RIT2: variants seen among roughly 807,000 people sequenced by gnomAD.
RIT2 encodes the protein GTP-binding protein Rit2.
In RIT2, 24 loss-of-function variants were observed where a neutral mutation model predicts 23.7. That is an observed-to-expected ratio of 1.01 (90% CI 0.73 to 1.43). The LOEUF (loss-of-function observed/expected upper bound fraction) is 1.43. Ranked by LOEUF, RIT2 falls within the 40% of genes most tolerant of loss-of-function variation. The probability of loss-of-function intolerance (pLI) is 0.00; values close to 1 mark genes in which losing one functional copy is unlikely to be tolerated. For missense variants in RIT2, 236 were observed against 266.9 expected (o/e 0.88, Z 0.81); for synonymous variants, 107 against 91.1 (o/e 1.17, Z -0.99).
chr18:42,743,714 T>C lies in RIT2; in HGVS notation c.433A>G (p.Thr145Ala). 6.2e-7 allele frequency: 1 copy of C among 1,603,858 alleles called. No individual in the cohort carries two copies. Among genetic ancestry groups the C allele is most frequent in the Non-Finnish European group, 8.5e-7 (1 of 1,175,584 alleles). The change falls in exon 5 of 5, where the codon ACA (threonine) becomes GCA (alanine). Residue 145 changes from threonine to alanine, a missense_variant. Coordinates refer to ENST00000326695, the MANE Select transcript of RIT2 (RefSeq NM_002930.4). ...IDLEQFRQVS[T>A]EEGLSLAQEY... ...TGGGCAAGACTCAAGCCTTCTTCTG[T>C]AGAAACCTAAGGAAAAAACAAATAA... is the stretch of plus-strand genomic sequence containing the variant.
chr18:42,900,713 G>A (rs906623459), intron 4 of RIT2, among the ~76,000 whole-genome samples: 7 of 152,034 alleles, frequency 4.6e-5, no homozygotes, highest in African/African-American at 1.7e-4. Flanking sequence ...CAAGATATGT[G>A]AGGGATAACA....
In RIT2 at chr18:42,916,512, C is replaced by T. The variant is rs544400202; in HGVS notation, c.426+7060G>A. On this transcript the variant is annotated intron_variant, in intron 4 of 4. Transcript: ENST00000326695. ...AATTTAATTTTGCAAAATCCATGTG[C>T]GGAAGCCTATATCAGAAAGCTCCCT... is the stretch of plus-strand genomic sequence containing the variant. 2.1e-3 allele frequency among the ~76,000 whole-genome samples: 314 copies of T among 152,162 alleles called. 2 individuals carry two copies. The highest frequency in any genetic ancestry group is 7.1e-3 in the African/African-American group (294 of 41,532).
At chr18:43,086,349 C>T (rs764208841) in intron 1 of RIT2, among the ~76,000 whole-genome samples, 36 of 152,050 alleles carry the variant, frequency 2.4e-4, no homozygotes, top group Non-Finnish European at 4.6e-4. Context: ...TATACAACAA[C>T]GAATGTATAA....
chr18:42,939,602 A>C (rs1909544641), intron 3 of RIT2, among the ~76,000 whole-genome samples: 1 of 152,140 alleles, frequency 6.6e-6, no homozygotes, highest in African/African-American at 2.4e-5. Flanking sequence ...TTACTACTAA[A>C]AGAAAATACC....
intron 4 of RIT2, among the ~76,000 whole-genome samples, chr18:42,764,729 GA>G (rs1195963169): frequency 6.6e-6 from 1 of 152,158 alleles, no homozygotes; most frequent in Non-Finnish European, 1.5e-5. Context: ...GAATGGATTG[GA>G]TTCACAAAGT....
chr18:42,804,015 C>T (rs150685137), intron 4 of RIT2, among the ~76,000 whole-genome samples: 13 of 152,032 alleles, frequency 8.6e-5, no homozygotes, highest in South Asian at 4.2e-4. Context: ...AAACATGAGC[C>T]GAAAGGACTT....
intron 2 of RIT2, among the ~76,000 whole-genome samples, chr18:43,018,318 G>T (rs1911520311): frequency 6.6e-6 from 1 of 151,458 alleles, no homozygotes; most frequent in African/African-American, 2.4e-5. Context: ...GTCTTCCAAG[G>T]CCCTATACAA....
intron 4 of RIT2, among the ~76,000 whole-genome samples, chr18:42,907,489 C>T (rs1289945463): frequency 6.6e-6 from 1 of 152,050 alleles, no homozygotes; most frequent in Non-Finnish European, 1.5e-5. Flanking sequence ...GAAAAACAAG[C>T]ACAAAGCTCA....
At chr18:42,906,431 T>G (rs181947692) in intron 4 of RIT2, among the ~76,000 whole-genome samples, 150 of 152,314 alleles carry the variant, frequency 9.8e-4, no homozygotes, top group Non-Finnish European at 1.6e-3. Flanking sequence ...GTTTTCTTTA[T>G]AAGAGATGTT....
intron 4 of RIT2, among the ~76,000 whole-genome samples, chr18:42,903,124 CAACT>C (rs1335726130): frequency 6.6e-6 from 1 of 151,780 alleles, no homozygotes; most frequent in Non-Finnish European, 1.5e-5. Flanking sequence ...AATATGACAC[CAACT>C]AAGAAAATTA....
chr18:42,882,857 A>G (rs1468891497), intron 4 of RIT2, among the ~76,000 whole-genome samples: 1 of 152,188 alleles, frequency 6.6e-6, no homozygotes, highest in African/African-American at 2.4e-5. Context: ...GTAAACTATG[A>G]AAAATTAGGC....
intron 4 of RIT2, among the ~76,000 whole-genome samples, chr18:42,897,206 T>C (rs1369959096): frequency 6.6e-6 from 1 of 152,214 alleles, no homozygotes; most frequent in Admixed American, 6.5e-5. Flanking sequence ...TTGCTTTCAT[T>C]ATCCACCTTT....
chr18:42,878,831 C>T (rs1352423892), intron 4 of RIT2, among the ~76,000 whole-genome samples: 1 of 150,524 alleles, frequency 6.6e-6, no homozygotes, highest in Non-Finnish European at 1.5e-5. Context: ...CTGTACCGCC[C>T]CCCGCCCCCC....
intron 1 of RIT2, among the ~76,000 whole-genome samples, chr18:43,080,500 T>G (rs563394496): frequency 6.6e-6 from 1 of 152,274 alleles, no homozygotes; most frequent in East Asian, 1.9e-4. Flanking sequence ...AACCTGAAGC[T>G]GAATGACAAA....
At chr18:42,977,390 T>C (rs1410486411) in intron 2 of RIT2, among the ~76,000 whole-genome samples, 1 of 152,068 alleles carries the variant, frequency 6.6e-6, no homozygotes, top group Non-Finnish European at 1.5e-5. Flanking sequence ...GCAAACTGAA[T>C]CACTGCTAAA....
chr18:43,006,863 A>G (rs1219338345), intron 2 of RIT2, among the ~76,000 whole-genome samples: 1 of 151,426 alleles, frequency 6.6e-6, no homozygotes, highest in Non-Finnish European at 1.5e-5. Flanking sequence ...GTTACATTGT[A>G]TACTTGAGAA....
At chr18:43,092,887 G>A (rs1040677229) in intron 1 of RIT2, among the ~76,000 whole-genome samples, 2 of 151,992 alleles carry the variant, frequency 1.3e-5, no homozygotes, top group South Asian at 4.1e-4. Context: ...GTCAGGGGAA[G>A]TTTCTGTCTT....
At chr18:42,852,088 TC>T (rs1907068635) in intron 4 of RIT2, among the ~76,000 whole-genome samples, 1 of 152,118 alleles carries the variant, frequency 6.6e-6, no homozygotes, top group Admixed American at 6.5e-5. Flanking sequence ...CCATCTACTA[TC>T]ACCCTCAAGA....
intron 4 of RIT2, among the ~76,000 whole-genome samples, chr18:42,769,300 A>G (rs1163460481): frequency 6.6e-6 from 1 of 152,110 alleles, no homozygotes; most frequent in Non-Finnish European, 1.5e-5. Flanking sequence ...AAACTTCTAC[A>G]TTGGTATTCT....
Sources: allele counts gnomAD v4.1 joint callset (sites outside exome capture counted in the v4.1 genomes callset), GRCh38; gene constraint gnomAD v4.1.1; transcripts MANE v1.5; gene names NCBI Gene and HGNC (gene_info 2026-07-23, HGNC 2026-07-21).